PALM2AKAP2: variants seen among roughly 807,000 people sequenced by gnomAD.
The protein encoded by PALM2AKAP2 is PALM2-AKAP2 fusion protein.
In PALM2AKAP2, 37 loss-of-function variants were observed where a neutral mutation model predicts 71.5. The observed-to-expected ratio is 0.52, with a 90% CI of 0.40 to 0.68. The LOEUF (loss-of-function observed/expected upper bound fraction) is 0.68, where lower values mean the gene tolerates loss of function less well. Ranked by LOEUF, PALM2AKAP2 falls within the 30% of genes least tolerant of loss-of-function variation. The probability of loss-of-function intolerance (pLI) is 0.00; values close to 1 mark genes in which losing one functional copy is unlikely to be tolerated. For synonymous variants in PALM2AKAP2, 468 were observed against 478.8 expected (o/e 0.98, Z 0.29); for missense variants, 1,224 against 1,191.8 (o/e 1.03, Z -0.40).
rs574400139 is a variant in PALM2AKAP2 at position 109,956,911 on chromosome 9, A to G, written c.496+24883A>G. 1.4e-4 allele frequency among the ~76,000 whole-genome samples: 21 copies of G among 152,312 alleles called. 2 individuals carry two copies. The South Asian group carries it at 4.4e-3, about 32-fold the overall frequency. On this transcript the variant is annotated intron_variant, in intron 6 of 9. Coordinates refer to the PALM2AKAP2 transcript ENST00000302798. Reference sequence around the variant, plus strand: ...TGCCTCCTTGCATCCTCTTAAAAAAAATAAAAATCCCAATTCCTCGTTTCA... The same window carrying G: ...TGCCTCCTTGCATCCTCTTAAAAAAGATAAAAATCCCAATTCCTCGTTTCA...
At chr9:109,867,284 C>T (rs1290056852) in intron 1 of PALM2AKAP2, 2 of 513,548 alleles carry the variant, frequency 3.9e-6, no homozygotes, top group African/African-American at 2.0e-5. Context: ...ATTTCTCCCA[C>T]TCTTCGAGCC....
chr9:109,913,837 A>C (rs1373818285), intron 3 of PALM2AKAP2, among the ~76,000 whole-genome samples: 3 of 149,638 alleles, frequency 2.0e-5, no homozygotes, highest in South Asian at 4.2e-4. Context: ...GCTCACTGCA[A>C]GCTCCGCCTC....
At chr9:109,944,321 A>G (rs901946157) in intron 6 of PALM2AKAP2, 3 of 152,128 alleles carry the variant, frequency 2.0e-5, no homozygotes, top group Non-Finnish European at 4.4e-5. Context: ...ATGTTAATCT[A>G]TTTTCAATGA....
chr9:109,833,820 G>A (rs1325667923), intron 1 of PALM2AKAP2, among the ~76,000 whole-genome samples: 1 of 152,198 alleles, frequency 6.6e-6, no homozygotes, highest in Non-Finnish European at 1.5e-5. Flanking sequence ...ACTGCCCCAA[G>A]TTGAGAGCCT....
At chr9:109,951,847 C>T (rs1831649552) in intron 6 of PALM2AKAP2, among the ~76,000 whole-genome samples, 1 of 152,176 alleles carries the variant, frequency 6.6e-6, no homozygotes, top group South Asian at 2.1e-4. Flanking sequence ...ACATGTCCTC[C>T]CTCTAACCCC....
At chr9:110,140,326 A>G (rs1233433481) in intron 2 of PALM2AKAP2, among the ~76,000 whole-genome samples, 1 of 152,108 alleles carries the variant, frequency 6.6e-6, no homozygotes, top group African/African-American at 2.4e-5. Flanking sequence ...ATGCTTCCTC[A>G]ATTTCTGGCA....
In PALM2AKAP2 at chr9:110,039,835, C is replaced by T. The variant is rs140151096; in HGVS notation, c.582+23796C>T. Among the ~76,000 whole-genome samples, 30 of 152,288 alleles carry T rather than the reference C, an allele frequency of 2.0e-4. No homozygotes were observed. In the East Asian group the frequency reaches 5.8e-3, roughly 29 times the overall value. On this transcript the variant is annotated intron_variant, in intron 7 of 9. Coordinates refer to the PALM2AKAP2 transcript ENST00000302798. ...ACGCCTGAGCCCTCTGTGGGAATCA[C>T]AAACTGTTTCTGATACCTGGCAGCT...
chr9:109,766,041 G>A (rs1829146008), intron 1 of PALM2AKAP2, among the ~76,000 whole-genome samples: 2 of 152,194 alleles, frequency 1.3e-5, no homozygotes, highest in African/African-American at 4.8e-5. Context: ...AGGGAGGAGA[G>A]GCAGGCAGGC....
chr9:110,057,366 GTT>G (rs34347147), intron 1 of PALM2AKAP2, among the ~76,000 whole-genome samples: 71 of 134,086 alleles, frequency 5.3e-4, no homozygotes, highest in African/African-American at 1.7e-3. Flanking sequence ...CTCCTTCTCT[GTT>G]TTTTTTTTTT....
intron 1 of PALM2AKAP2, among the ~76,000 whole-genome samples, chr9:110,084,427 C>T (rs1834513894): frequency 6.6e-6 from 1 of 152,038 alleles, no homozygotes; most frequent in Admixed American, 6.6e-5. Flanking sequence ...ATGGAAAAAT[C>T]ACAAAGAAGC....
chr9:109,888,711 CAAAAAAA>C (rs34495775), intron 3 of PALM2AKAP2, among the ~76,000 whole-genome samples: 1 of 98,828 alleles, frequency 1.0e-5, no homozygotes, highest in Admixed American at 1.2e-4. Flanking sequence ...ATTTTGCCTC[CAAAAAAA>C]AAAAAAAAAA....
chr9:110,142,856 C>G (rs1032933718), intron 2 of PALM2AKAP2, among the ~76,000 whole-genome samples: 1 of 152,180 alleles, frequency 6.6e-6, no homozygotes, highest in Admixed American at 6.5e-5. Flanking sequence ...AGAGTTTACC[C>G]TATGGTCAGT....
upstream of PALM2AKAP2, among the ~76,000 whole-genome samples, chr9:109,779,813 C>T (rs1324647255): frequency 6.6e-6 from 1 of 152,188 alleles, no homozygotes; most frequent in Non-Finnish European, 1.5e-5. Context: ...CTGGCTTGAG[C>T]CAGAAGGTGC....
At chr9:109,897,112 T>C (rs1830219969) in intron 3 of PALM2AKAP2, among the ~76,000 whole-genome samples, 1 of 152,184 alleles carries the variant, frequency 6.6e-6, no homozygotes, top group African/African-American at 2.4e-5. Flanking sequence ...CTAGCATAAG[T>C]ATAGAGTTGA....
At chr9:109,998,426 A>T (rs774492258) in intron 6 of PALM2AKAP2, among the ~76,000 whole-genome samples, 2 of 152,120 alleles carry the variant, frequency 1.3e-5, no homozygotes, top group Non-Finnish European at 2.9e-5. Context: ...GACGAGAATA[A>T]TCAGGATGGA....
intron 1 of PALM2AKAP2, among the ~76,000 whole-genome samples, chr9:109,832,435 C>T (rs1209419274): frequency 4.6e-5 from 7 of 152,188 alleles, no homozygotes; most frequent in Non-Finnish European, 8.8e-5. Context: ...CAGTGCTGGG[C>T]TCACACTAAG....
chr9:110,153,705 T>C (rs1395572764), intron 2 of PALM2AKAP2, among the ~76,000 whole-genome samples: 1 of 152,266 alleles, frequency 6.6e-6, no homozygotes, highest in Non-Finnish European at 1.5e-5. Flanking sequence ...GGCAAGGCTC[T>C]ACCCTAATGG....
intron 6 of PALM2AKAP2, among the ~76,000 whole-genome samples, chr9:109,986,765 T>C (rs1166811652): frequency 6.6e-6 from 1 of 152,258 alleles, no homozygotes; most frequent in Non-Finnish European, 1.5e-5. Flanking sequence ...TGAAAACTTC[T>C]GTCACATATT....
chr9:109,878,594 C>T (rs118047182), intron 2 of PALM2AKAP2, among the ~76,000 whole-genome samples: 1 of 152,158 alleles, frequency 6.6e-6, no homozygotes, highest in Non-Finnish European at 1.5e-5. Flanking sequence ...CACAGAGTCT[C>T]TCCTGGAAGT....
Sources: allele counts gnomAD v4.1 joint callset (sites outside exome capture counted in the v4.1 genomes callset), GRCh38; gene constraint gnomAD v4.1.1; transcripts MANE v1.5; gene names NCBI Gene and HGNC (gene_info 2026-07-23, HGNC 2026-07-21).